The following GALNT13 variants were observed in gnomAD, a reference collection of about 807,000 sequenced individuals.
GALNT13 encodes the protein polypeptide N-acetylgalactosaminyltransferase 13, also known as UDP-GalNAc:polypeptide N-acetylgalactosaminyltransferase 13.
A neutral mutation model predicts 64.2 loss-of-function variants in GALNT13; 28 were observed. That is an observed-to-expected ratio of 0.44 (90% CI 0.32 to 0.60). The LOEUF (loss-of-function observed/expected upper bound fraction) is 0.60. GALNT13 is among the 20% of genes least tolerant of loss of function. GALNT13 has a pLI of 0.05. For missense variants in GALNT13, 577 were observed against 669.8 expected, an observed-to-expected ratio of 0.86 and a Z score of 1.53; for synonymous variants, 214 against 224.6, an observed-to-expected ratio of 0.95 and a Z score of 0.42.
At chr2:154,153,546 G>GAGGC (rs1215926135) in intron 4 of GALNT13, among the ~76,000 whole-genome samples, 1 of 152,238 alleles carries the variant, frequency 6.6e-6, no homozygotes, top group Non-Finnish European at 1.5e-5. Context: ...GGAGCCTACA[G>GAGGC]AGGCAGGCAG....
At chr2:154,093,669 CT>C (rs11463218) in intron 3 of GALNT13, among the ~76,000 whole-genome samples, 488 of 142,230 alleles carry the variant, frequency 3.4e-3, no homozygotes, top group Middle Eastern at 0.025. Flanking sequence ...CACATTATTT[CT>C]TTTTTTTTTT....
At chr2:154,298,306 G>A (rs1403709337) in intron 8 of GALNT13, among the ~76,000 whole-genome samples, 1 of 148,768 alleles carries the variant, frequency 6.7e-6, no homozygotes, top group Non-Finnish European at 1.5e-5. Flanking sequence ...TTTACAGTAG[G>A]TCAAAAACGA....
At chr2:153,932,914 C>T (rs758224541) in intron 2 of GALNT13, among the ~76,000 whole-genome samples, 1 of 152,096 alleles carries the variant, frequency 6.6e-6, no homozygotes, top group Admixed American at 6.6e-5. Flanking sequence ...AGGCATGAGC[C>T]ACTGTGCCTG....
chr2:154,131,646 C>G (rs11894668), intron 3 of GALNT13, among the ~76,000 whole-genome samples: 56,252 of 152,042 alleles, frequency 0.37, 10,759 homozygotes, highest in Non-Finnish European at 0.41. Context: ...TCGTTAATAC[C>G]TAGCTAAAAT....
chr2:153,873,743 C>G (rs1211656210), intron 1 of GALNT13, among the ~76,000 whole-genome samples: 4 of 152,148 alleles, frequency 2.6e-5, no homozygotes, highest in Non-Finnish European at 4.4e-5. Flanking sequence ...CCAAAGCCCC[C>G]TTGAAATTTC....
At chr2:154,107,082 C>T (rs1702660111) in intron 3 of GALNT13, among the ~76,000 whole-genome samples, 1 of 152,112 alleles carries the variant, frequency 6.6e-6, no homozygotes, top group Non-Finnish European at 1.5e-5. Flanking sequence ...GACCTTTGCA[C>T]ATGTCTACTC....
the GALNT13 span, among the ~76,000 whole-genome samples, chr2:153,489,235 T>C: frequency 1.3e-5 from 2 of 152,076 alleles, no homozygotes; most frequent in African/African-American, 4.8e-5. Context: ...ACACAACATA[T>C]CCATGTAATA....
At chr2:154,338,059 G>A (rs1695552853) in intron 9 of GALNT13, among the ~76,000 whole-genome samples, 1 of 152,042 alleles carries the variant, frequency 6.6e-6, no homozygotes, top group African/African-American at 2.4e-5. Context: ...CTAGAGCAAT[G>A]CTGTGTGCCC....
At chr2:154,132,422 C>A (rs1208028670) in intron 3 of GALNT13, among the ~76,000 whole-genome samples, 1 of 151,868 alleles carries the variant, frequency 6.6e-6, no homozygotes, top group Non-Finnish European at 1.5e-5. Flanking sequence ...GAACATCTCC[C>A]ACATCATTAA....
downstream of GALNT13, among the ~76,000 whole-genome samples, chr2:154,455,267 C>T (rs535260260): frequency 6.6e-6 from 1 of 152,236 alleles, no homozygotes; most frequent in African/African-American, 2.4e-5. Context: ...AAATGATGAT[C>T]GTATCTGCTC....
At chr2:153,975,308 C>A (rs1694006516) in intron 3 of GALNT13, among the ~76,000 whole-genome samples, 1 of 151,998 alleles carries the variant, frequency 6.6e-6, no homozygotes, top group Admixed American at 6.6e-5. Context: ...TTCACCCCTG[C>A]TCCTTTTTTA....
the GALNT13 span, among the ~76,000 whole-genome samples, chr2:153,299,420 A>G: frequency 6.6e-6 from 1 of 152,206 alleles, no homozygotes; most frequent in African/African-American, 2.4e-5. Context: ...CAAAAGGGAT[A>G]TTGCAGTACT....
chr2:153,420,677 T>C, the GALNT13 span: 1 of 223,940 alleles, frequency 4.5e-6, no homozygotes, highest in Non-Finnish European at 9.9e-6. Flanking sequence ...AAAATTAGTG[T>C]TCCCCTTCTT....
the GALNT13 span, among the ~76,000 whole-genome samples, chr2:153,596,625 C>T: frequency 6.6e-6 from 1 of 152,002 alleles, no homozygotes; most frequent in Non-Finnish European, 1.5e-5. Flanking sequence ...TTTAATCTCT[C>T]TGTTTAATTA....
chr2:154,192,179 G>T (rs2105758228), intron 4 of GALNT13, among the ~76,000 whole-genome samples: 1 of 152,276 alleles, frequency 6.6e-6, no homozygotes, highest in Non-Finnish European at 1.5e-5. Flanking sequence ...TCTCAGGCCG[G>T]TGCGTTTCTC....
At chr2:153,107,550 A>G in the GALNT13 span, among the ~76,000 whole-genome samples, 2 of 152,166 alleles carry the variant, frequency 1.3e-5, no homozygotes, top group Non-Finnish European at 2.9e-5. Flanking sequence ...AAGAAGGCAA[A>G]CTAAAGGAAA....
At chr2:153,914,206 G>T (rs911646732) in intron 2 of GALNT13, among the ~76,000 whole-genome samples, 1 of 152,146 alleles carries the variant, frequency 6.6e-6, no homozygotes, top group Non-Finnish European at 1.5e-5. Context: ...TGAACATTCT[G>T]CTCTTGTTCA....
At chr2:153,258,684 T>G in the GALNT13 span, among the ~76,000 whole-genome samples, 1 of 152,210 alleles carries the variant, frequency 6.6e-6, no homozygotes, top group Non-Finnish European at 1.5e-5. Flanking sequence ...TCAAGACATT[T>G]TAAACATTTT....
At chr2:153,830,403 T>A in the GALNT13 span, among the ~76,000 whole-genome samples, 1 of 152,166 alleles carries the variant, frequency 6.6e-6, no homozygotes, top group Admixed American at 6.5e-5. Context: ...TCTAAAATTT[T>A]TTTAAGGGTT....
Sources: allele counts gnomAD v4.1 joint callset (sites outside exome capture counted in the v4.1 genomes callset), GRCh38; gene constraint gnomAD v4.1.1; transcripts MANE v1.5; gene names NCBI Gene and HGNC (gene_info 2026-07-23, HGNC 2026-07-21).